Variants in ATP2B4 observed in about 807,000 individuals in gnomAD.
ATP2B4 encodes ATPase plasma membrane Ca2+ transporting 4, also known as plasma membrane calcium-transporting ATPase 4.
ATP2B4 carries 39 observed loss-of-function variants against 110.3 expected under a neutral mutation model. The ratio of observed to expected loss-of-function variants is 0.35; its 90% CI spans 0.27 to 0.46. The LOEUF (loss-of-function observed/expected upper bound fraction) is 0.46. ATP2B4 is among the 20% of genes least tolerant of loss of function. The probability of loss-of-function intolerance (pLI) is 1.00; values close to 1 mark genes in which losing one functional copy is unlikely to be tolerated. For missense variants in ATP2B4, 1,135 were observed against 1,530.9 expected (o/e 0.74, Z 4.32); for synonymous variants, 538 against 571.7 (o/e 0.94, Z 0.84).
intron 1 of ATP2B4, among the ~76,000 whole-genome samples, chr1:203,659,750 A>T (rs1019268578): frequency 3.9e-5 from 6 of 152,150 alleles, no homozygotes; most frequent in African/African-American, 7.2e-5. Flanking sequence ...AGATTGCTCC[A>T]TCCAGCCTGG....
chr1:203,657,778 C>T, intron 1 of ATP2B4: 1 of 633,582 alleles, frequency 1.6e-6, no homozygotes, highest in African/African-American at 1.9e-5. Flanking sequence ...GGCGCAGAAC[C>T]ACCAGGAGTA....
In ATP2B4 at chr1:203,719,947, C is replaced by T. The variant is rs188592939; in HGVS notation, c.2407-602C>T. Among the ~76,000 whole-genome samples, 81 of 152,120 alleles carry T rather than the reference C, an allele frequency of 5.3e-4. No individual in the cohort carries two copies. In the Middle Eastern group the frequency reaches 0.01, roughly 19 times the overall value. ...ATTAACCAAGCAGGGTGAGCAAATGCCTGTAGTCCCGTTACTCAGGAGGCC... is the reference window on the plus strand; with the variant it reads ...ATTAACCAAGCAGGGTGAGCAAATGTCTGTAGTCCCGTTACTCAGGAGGCC... On this transcript the variant is annotated intron_variant, in intron 15 of 20. Transcript: ENST00000357681.
chr1:203,710,134 G>A lies in ATP2B4; in HGVS notation c.1799+592G>A, dbSNP rs376197470. Among the ~76,000 whole-genome samples, 14 of 152,210 alleles carry A rather than the reference G, an allele frequency of 9.2e-5. No individual in the cohort carries two copies. The East Asian group carries it at 1.2e-3, about 13-fold the overall frequency. On this transcript the variant is annotated intron_variant, in intron 11 of 20. Coordinates refer to ENST00000357681, the MANE Select transcript of ATP2B4 (RefSeq NM_001684.5). Reference sequence around the variant, plus strand: ...TGTAATCCCAGCACTTTGGGAGGCCGAGGCAGGCAGAACACGAGGTCAGGA... The same window carrying A: ...TGTAATCCCAGCACTTTGGGAGGCCAAGGCAGGCAGAACACGAGGTCAGGA...
At chr1:203,693,948 G>A (rs190499668) in intron 2 of ATP2B4, among the ~76,000 whole-genome samples, 4 of 152,210 alleles carry the variant, frequency 2.6e-5, no homozygotes, top group Admixed American at 1.3e-4. Context: ...ATGTCCCAGC[G>A]TCCTCTGTAT....
At chr1:203,706,862 A>G (rs558592749) in intron 8 of ATP2B4, 147 bp from the exon 9 acceptor site, 234 of 665,850 alleles carry the variant, frequency 3.5e-4, no homozygotes, top group Non-Finnish European at 5.7e-4. Context: ...CAAGCAACAG[A>G]GAATGGGGGG....
At chr1:203,708,205 C>A in intron 10 of ATP2B4, 101 bp downstream of exon 10, 2 of 1,494,696 alleles carry the variant, frequency 1.3e-6, no homozygotes, top group Non-Finnish European at 1.8e-6. Context: ...GCCTAAATTG[C>A]CATCCCACAT....
chr1:203,698,106 T>A lies in ATP2B4; in HGVS notation c.194-51T>A, dbSNP rs956216342. On this transcript the variant is annotated intron_variant, in intron 2 of 20. Coordinates refer to ENST00000357681, the MANE Select transcript of ATP2B4 (RefSeq NM_001684.5). ...ACTGCCACTTCAAAACTGCCTTTTA[T>A]CATTTTCCTTTTTTCCTACATTCAT... The A allele has an allele frequency of 1.9e-6, 3 of 1,572,558 alleles. No homozygotes were observed. In the African/African-American group the frequency reaches 4.1e-5, roughly 21 times the overall value.
chr1:203,714,685 T>C (rs1350131512), intron 15 of ATP2B4, among the ~76,000 whole-genome samples: 3 of 152,226 alleles, frequency 2.0e-5, no homozygotes, highest in African/African-American at 7.2e-5. Flanking sequence ...TGAAATCACA[T>C]GTTCCAAGGC....
intron 1 of ATP2B4, among the ~76,000 whole-genome samples, chr1:203,679,688 T>G (rs1310580910): frequency 6.6e-6 from 1 of 152,000 alleles, no homozygotes; most frequent in Non-Finnish European, 1.5e-5. Context: ...ATCGAGACCA[T>G]CCTGGCCAAC....
Position 203,707,166 on chromosome 1 carries a change from G to T in ATP2B4, c.1257G>T (p.Val419=). 6.2e-7 allele frequency: 1 copy of T among 1,614,114 alleles called. No homozygotes were observed. Residue 419 remains valine (V), a synonymous_variant, in exon 9 of 21, where the codon GTG becomes GTT. Coordinates refer to ENST00000357681, the MANE Select transcript of ATP2B4 (RefSeq NM_001684.5). ...TCATCGGCATCACTGTACTGGTGGT[G>T]GCTGTGCCAGAGGGGCTGCCTCTGG... The part of the protein sequence containing the change: ...FFIIGITVLV[V]AVPEGLPLAV...
At chr1:203,687,343 G>C (rs938136132) in intron 2 of ATP2B4, among the ~76,000 whole-genome samples, 1 of 152,076 alleles carries the variant, frequency 6.6e-6, no homozygotes, top group Non-Finnish European at 1.5e-5. Context: ...TAAGACATAG[G>C]AGTATCTACC....
intron 1 of ATP2B4, among the ~76,000 whole-genome samples, chr1:203,677,927 A>T (rs1156382067): frequency 6.6e-6 from 1 of 152,204 alleles, no homozygotes; most frequent in Non-Finnish European, 1.5e-5. Flanking sequence ...TCCTGAGCAG[A>T]GGCTCTCAGC....
At chr1:203,663,611 CTTTT>C (rs892156841) in intron 1 of ATP2B4, among the ~76,000 whole-genome samples, 2 of 145,388 alleles carry the variant, frequency 1.4e-5, no homozygotes, top group African/African-American at 5.0e-5. Context: ...CTCTCTCTCT[CTTTT>C]TTTTTTTTTA....
intron 20 of ATP2B4, among the ~76,000 whole-genome samples, chr1:203,734,747 A>G (rs1666834428): frequency 6.6e-6 from 1 of 151,012 alleles, no homozygotes; most frequent in Non-Finnish European, 1.5e-5. Context: ...GTTCACGCCT[A>G]TAATCCCAGC....
In ATP2B4 at chr1:203,742,406, T is replaced by C. The variant is rs1479262876; in HGVS notation, c.*2552T>C. The stretch of plus-strand genomic sequence containing the variant: ...AGTGTCTATGTGCATATGTTTTTTA[T>C]ATAAGTTTTTTCTATTCAGTTTCAC... On this transcript the variant is annotated 3_prime_UTR_variant, in exon 21 of 21. Transcript: ENST00000357681. 2 of 152,676 alleles carry C rather than the reference T, an allele frequency of 1.3e-5. No homozygotes were observed. Among genetic ancestry groups the C allele is most frequent in the African/African-American group, 2.4e-5 (1 of 41,464 alleles). The allele number at this position is 152,676 out of a possible 1,614,324, so 9.5% of individuals were successfully genotyped here.
At chr1:203,730,659 C>A (rs1180260541) in intron 20 of ATP2B4, among the ~76,000 whole-genome samples, 1 of 152,198 alleles carries the variant, frequency 6.6e-6, no homozygotes, top group Non-Finnish European at 1.5e-5. Context: ...GTCTTCCTTG[C>A]CCTCCACTAC....
rs564347352 is a variant in ATP2B4, at chr1:203,648,252, T to C, written c.-465+21033T>C. On this transcript the variant is annotated intron_variant, in intron 1 of 20. Coordinates refer to ENST00000357681, the MANE Select transcript of ATP2B4 (RefSeq NM_001684.5). ...GTGTGAAAGAGAAGCTAAGTATATT[T>C]TATCTGCAGCTATATTTTTAAAGAA... Among the ~76,000 whole-genome samples, 4 of 152,220 alleles carry C rather than the reference T, an allele frequency of 2.6e-5. No individual in the cohort carries two copies. The South Asian group carries it at 8.3e-4, about 32-fold the overall frequency.
intron 1 of ATP2B4, among the ~76,000 whole-genome samples, chr1:203,636,667 T>C (rs149565068): frequency 6.6e-6 from 1 of 152,282 alleles, no homozygotes; most frequent in African/African-American, 2.4e-5. Flanking sequence ...CTGTGTAACC[T>C]TGATTGAAGC....
intron 4 of ATP2B4, 119 bp downstream of exon 4, chr1:203,699,836 A>G (rs1665637975): frequency 6.7e-7 from 1 of 1,482,722 alleles, no homozygotes; most frequent in Non-Finnish European, 9.1e-7. Context: ...CCAAAATTGT[A>G]TTCACTTCTA....
Sources: gnomAD v4.1 joint callset for allele counts (sites outside exome capture counted in the v4.1 genomes callset) on GRCh38, gnomAD v4.1.1 for gene constraint, MANE v1.5 for transcripts, NCBI Gene and HGNC (gene_info 2026-07-23, HGNC 2026-07-21) for gene names.